The following KLF13 variants were observed in gnomAD, a reference collection of about 807,000 sequenced individuals.
The protein encoded by KLF13 is Krueppel-like factor 13.
In KLF13, 8 loss-of-function variants were observed where a neutral mutation model predicts 16.7. That is an observed-to-expected ratio of 0.48 (90% CI 0.28 to 0.87). The LOEUF (loss-of-function observed/expected upper bound fraction) is 0.87, where lower values mean the gene tolerates loss of function less well. Ranked by LOEUF, KLF13 falls within the 40% of genes least tolerant of loss-of-function variation. KLF13 has a pLI of 0.10. For synonymous variants in KLF13, 245 were observed against 208.4 expected, an observed-to-expected ratio of 1.18 and a Z score of -1.51; for missense variants, 447 against 452.2, an observed-to-expected ratio of 0.99 and a Z score of 0.10.
chr15:31,434,605 A>AG (rs1405973456), intron 1 of KLF13, among the ~76,000 whole-genome samples: 20 of 152,272 alleles, frequency 1.3e-4, no homozygotes, highest in Admixed American at 4.6e-4. Context: ...ACGTGTCTGG[A>AG]GCTCCCTGGT....
intron 1 of KLF13, among the ~76,000 whole-genome samples, chr15:31,415,599 G>A (rs2040245688): frequency 6.6e-6 from 1 of 152,082 alleles, no homozygotes; most frequent in Non-Finnish European, 1.5e-5. Flanking sequence ...GAGTGAAAAC[G>A]AAGATACGAC....
chr15:31,379,685 G>A (rs2039700585), downstream of KLF13, among the ~76,000 whole-genome samples: 1 of 152,178 alleles, frequency 6.6e-6, no homozygotes, highest in Admixed American at 6.5e-5. Context: ...TTCTTCTCAC[G>A]CTTTCTTTTT....
downstream of KLF13, among the ~76,000 whole-genome samples, chr15:31,409,524 A>C (rs2040166461): frequency 6.6e-6 from 1 of 151,948 alleles, no homozygotes; most frequent in Non-Finnish European, 1.5e-5. Context: ...GAGAGAAAGG[A>C]GGAAGAAAAG....
chr15:31,404,588 C>G (rs1037917638), exon 3 of KLF13: 40 of 152,178 alleles, frequency 2.6e-4, no homozygotes, highest in African/African-American at 9.7e-4. Flanking sequence ...TAAAATGGAC[C>G]AATCAGCAGG....
At chr15:31,397,380 C>T (rs1237085934) in intron 2 of KLF13, among the ~76,000 whole-genome samples, 1 of 152,264 alleles carries the variant, frequency 6.6e-6, no homozygotes, top group Admixed American at 6.5e-5. Flanking sequence ...CGACCCCGCC[C>T]ATTGCCGACC....
rs1481414561 is a variant in KLF13, at chr15:31,372,660, CAG to C, written c.*364_*365del. 4 of 207,018 alleles carry C rather than the reference CAG, an allele frequency of 1.9e-5. No individual in the cohort carries two copies. Among genetic ancestry groups the C allele is most frequent in the African/African-American group, 9.3e-5 (4 of 43,036 alleles). The allele number at this position is 207,018 out of a possible 1,614,324, so 12.8% of individuals were successfully genotyped here. ...GTTAGGTTCGGGAACACGCTGGGGA[CAG>C]AGCAGGCCAGCCAGTCTGGTGGAGC... On this transcript the variant is annotated 3_prime_UTR_variant, in exon 2 of 2. Coordinates refer to ENST00000307145, the MANE Select transcript of KLF13 (RefSeq NM_015995.4).
chr15:31,334,126 A>C (rs1278568565), intron 1 of KLF13, among the ~76,000 whole-genome samples: 1 of 152,224 alleles, frequency 6.6e-6, no homozygotes, highest in African/African-American at 2.4e-5. Flanking sequence ...TTTTGAAGTC[A>C]AAGGACCACC....
At chr15:31,336,087 C>T (rs1024115703) in intron 1 of KLF13, among the ~76,000 whole-genome samples, 2 of 152,240 alleles carry the variant, frequency 1.3e-5, no homozygotes, top group Non-Finnish European at 2.9e-5. Context: ...CTCCCCCGAC[C>T]CCAGCGTACA....
chr15:31,398,403 C>T (rs552718050), intron 2 of KLF13, among the ~76,000 whole-genome samples: 2 of 152,314 alleles, frequency 1.3e-5, no homozygotes, highest in South Asian at 2.1e-4. Context: ...GCTGGCATTT[C>T]GTGTGTAGTG....
intron 1 of KLF13, among the ~76,000 whole-genome samples, chr15:31,336,649 A>G (rs982802334): frequency 2.0e-5 from 3 of 152,174 alleles, no homozygotes; most frequent in African/African-American, 7.2e-5. Flanking sequence ...GAGCATGAAT[A>G]GGGGTGTCTG....
downstream of KLF13, among the ~76,000 whole-genome samples, chr15:31,379,121 G>A (rs2039692415): frequency 6.6e-6 from 1 of 152,186 alleles, no homozygotes; most frequent in Non-Finnish European, 1.5e-5. Flanking sequence ...TTTTCCTGAA[G>A]CTACCCTGAC....
chr15:31,395,383 G>A (rs2039940633), intron 2 of KLF13, among the ~76,000 whole-genome samples: 1 of 152,112 alleles, frequency 6.6e-6, no homozygotes, highest in Non-Finnish European at 1.5e-5. Context: ...CTACTCCTTA[G>A]CTGCTATGAA....
Position 31,376,493 on chromosome 15 carries a change from A to G in KLF13, c.*4194A>G, listed in dbSNP as rs751967423. 1 of 152,416 alleles carries G rather than the reference A, an allele frequency of 6.6e-6. No individual in the cohort carries two copies. The highest frequency in any genetic ancestry group is 1.5e-5 in the Non-Finnish European group (1 of 68,018). The allele number at this position is 152,416 out of a possible 1,614,324, so 9.4% of individuals were successfully genotyped here. ...TTCCATATACAATTCTGGTCACCAT[A>G]TTTTCCAAAGCTAAAATCTGAGGCG... On this transcript the variant is annotated 3_prime_UTR_variant, in exon 2 of 2. Transcript: ENST00000307145.
At chr15:31,422,761 G>A (rs187925114) in intron 1 of KLF13, among the ~76,000 whole-genome samples, 10 of 152,196 alleles carry the variant, frequency 6.6e-5, no homozygotes, top group South Asian at 4.1e-4. Flanking sequence ...TCAGCTGGGC[G>A]CAGTGGCTCA....
intron 1 of KLF13, among the ~76,000 whole-genome samples, chr15:31,332,355 A>G (rs1018626136): frequency 1.3e-5 from 2 of 152,252 alleles, no homozygotes; most frequent in African/African-American, 4.8e-5. Flanking sequence ...CGTTTAAAAC[A>G]GTACCAGCAA....
In KLF13 at chr15:31,372,305, C is replaced by T; in HGVS notation, c.*6C>T. On this transcript the variant is annotated 3_prime_UTR_variant, in exon 2 of 2. Transcript: ENST00000307145. The stretch of plus-strand genomic sequence containing the variant: ...GCCCGGCCAGCTCGCCCTGAGCCCG[C>T]CACAGCCATGAGCAGCCGCTCCCAC... 6.8e-7 allele frequency: 1 copy of T among 1,466,916 alleles called. No homozygotes were observed. Among genetic ancestry groups the T allele is most frequent in the Non-Finnish European group, 9.0e-7 (1 of 1,113,436 alleles). The allele number at this position is 1,466,916 out of a possible 1,614,324, so 90.9% of individuals were successfully genotyped here. A position where few individuals can be genotyped will look rare whatever the true frequency, so the allele number is the denominator to read the frequency against.
At chr15:31,406,242 C>T (rs547630080), downstream of KLF13, among the ~76,000 whole-genome samples, 13 of 152,206 alleles carry the variant, frequency 8.5e-5, no homozygotes, top group Admixed American at 7.2e-4. Flanking sequence ...TTTGGGAGGC[C>T]AAGGCAGGCG....
chr15:31,416,913 A>C (rs2040262247), intron 1 of KLF13, among the ~76,000 whole-genome samples: 1 of 152,210 alleles, frequency 6.6e-6, no homozygotes, highest in Non-Finnish European at 1.5e-5. Flanking sequence ...CTTACTCCCC[A>C]ATGTAAAGCA....
intron 1 of KLF13, among the ~76,000 whole-genome samples, chr15:31,410,493 A>G (rs1440212177): frequency 6.6e-6 from 1 of 152,152 alleles, no homozygotes; most frequent in African/African-American, 2.4e-5. Flanking sequence ...TATGTTGTCA[A>G]CAAGAAACTT....
Sources: allele counts gnomAD v4.1 joint callset (sites outside exome capture counted in the v4.1 genomes callset), GRCh38; gene constraint gnomAD v4.1.1; transcripts MANE v1.5; gene names NCBI Gene and HGNC (gene_info 2026-07-23, HGNC 2026-07-21).